The following RASGRF1 variants were observed in gnomAD, a reference collection of about 807,000 sequenced individuals.
RASGRF1 encodes Ras protein specific guanine nucleotide releasing factor 1, also known as ras-specific guanine nucleotide-releasing factor 1.
A neutral mutation model predicts 138.7 loss-of-function variants in RASGRF1; 40 were observed. The ratio of observed to expected loss-of-function variants is 0.29; its 90% confidence interval spans 0.22 to 0.38. The LOEUF is 0.38. Ranked by LOEUF, RASGRF1 falls within the 10% of genes least tolerant of loss-of-function variation. The pLI, the probability that RASGRF1 is intolerant of heterozygous loss-of-function variation, is 1.00. For synonymous variants in RASGRF1, 614 were observed against 663.2 expected, an observed-to-expected ratio of 0.93 and a Z score of 1.14; for missense variants, 1,108 against 1,650.4, an observed-to-expected ratio of 0.67 and a Z score of 5.69.
At chr15:78,985,766 A>AC in intron 22 of RASGRF1, 1 of 152,316 alleles carries the variant, frequency 6.6e-6, no homozygotes, top group Middle Eastern at 3.4e-3. Context: ...AAATACACAC[A>AC]CAAAAAAAAT....
chr15:79,033,417 A>AT (rs2057169918), intron 6 of RASGRF1, among the ~76,000 whole-genome samples: 1 of 151,150 alleles, frequency 6.6e-6, no homozygotes, highest in East Asian at 2.0e-4. Flanking sequence ...TAATTTTTGA[A>AT]TTTTTGTGTT....
In RASGRF1 at chr15:78,961,717, G is replaced by A. The variant is rs935202709; in HGVS notation, c.*427C>T. 3.1e-5 allele frequency: 2 copies of A among 65,282 alleles called. No individual in the cohort carries two copies. The highest frequency in any genetic ancestry group is 5.8e-5 in the African/African-American group (1 of 17,130). The allele number at this position is 65,282 out of a possible 1,614,324, so 4.0% of individuals were successfully genotyped here. On this transcript the variant is annotated 3_prime_UTR_variant, in exon 27 of 27. Coordinates refer to ENST00000558480, the MANE Select transcript of RASGRF1 (RefSeq NM_001145648.3). Reference sequence around the variant, plus strand: ...CTTCAGGGTATGGTTTCCCCCTCCCGCCGCCCCCCACCCCCCACCCAGTTA... The same window carrying A: ...CTTCAGGGTATGGTTTCCCCCTCCCACCGCCCCCCACCCCCCACCCAGTTA...
At chr15:78,970,621 C>CAAA (rs55689628) in intron 26 of RASGRF1, among the ~76,000 whole-genome samples, 37 of 57,858 alleles carry the variant, frequency 6.4e-4, no homozygotes, top group East Asian at 2.1e-3. Context: ...GACTCTGTCT[C>CAAA]AAAAAAAAAA....
At chr15:79,084,643 A>G (rs543573324) in intron 1 of RASGRF1, among the ~76,000 whole-genome samples, 1 of 152,296 alleles carries the variant, frequency 6.6e-6, no homozygotes, top group African/African-American at 2.4e-5. Context: ...GGTTTCTGTA[A>G]TAAGTGTCCT....
At chr15:79,022,119 T>G (rs1440598279) in intron 10 of RASGRF1, among the ~76,000 whole-genome samples, 2 of 152,162 alleles carry the variant, frequency 1.3e-5, no homozygotes, top group East Asian at 3.9e-4. Flanking sequence ...GATTCCATGC[T>G]CTTTGCCAAT....
intron 9 of RASGRF1, among the ~76,000 whole-genome samples, chr15:79,026,680 T>G (rs1055189272): frequency 6.6e-6 from 1 of 151,966 alleles, no homozygotes; most frequent in Non-Finnish European, 1.5e-5. Flanking sequence ...TGACTCAGGG[T>G]GATGGAGCAG....
intron 1 of RASGRF1, among the ~76,000 whole-genome samples, chr15:79,076,900 C>T (rs1189165770): frequency 1.3e-5 from 2 of 152,210 alleles, no homozygotes; most frequent in African/African-American, 4.8e-5. Context: ...GAATGGGTGA[C>T]TGAATGCGTT....
intron 24 of RASGRF1, among the ~76,000 whole-genome samples, chr15:78,976,510 G>T (rs1223542526): frequency 6.6e-6 from 1 of 152,084 alleles, no homozygotes; most frequent in Admixed American, 6.5e-5. Context: ...GGACAAGCTT[G>T]CTCTATAGTG....
chr15:78,970,170 T>C (rs2055722887), intron 26 of RASGRF1, among the ~76,000 whole-genome samples: 1 of 152,136 alleles, frequency 6.6e-6, no homozygotes, highest in Non-Finnish European at 1.5e-5. Flanking sequence ...CTGGATGTTT[T>C]TGTGAACTGC....
intron 26 of RASGRF1, among the ~76,000 whole-genome samples, chr15:78,963,872 T>G (rs1240285011): frequency 6.6e-6 from 1 of 152,162 alleles, no homozygotes; most frequent in Non-Finnish European, 1.5e-5. Context: ...TGTGAAATAG[T>G]CTTTTATACC....
chr15:79,015,046 C>G (rs77665220), intron 13 of RASGRF1, among the ~76,000 whole-genome samples: 4,298 of 151,970 alleles, frequency 0.028, 206 homozygotes, highest in African/African-American at 0.099. Flanking sequence ...CAAACCACCA[C>G]TAAAGAACTT....
chr15:78,978,221 T>C (rs1356082578), intron 24 of RASGRF1, among the ~76,000 whole-genome samples: 1,231 of 15,422 alleles, frequency 0.08, 19 homozygotes, highest in South Asian at 0.23. Context: ...TTTTCTTTTG[T>C]TTTTTTTTTT....
intron 24 of RASGRF1, chr15:78,978,680 C>T: frequency 9.8e-7 from 1 of 1,023,520 alleles, no homozygotes; most frequent in Non-Finnish European, 1.2e-6. Flanking sequence ...GCCCCCGTCC[C>T]CTGCCTAGTG....
At position 79,037,020 on chromosome 15, in the gene RASGRF1, C is replaced by T. The variant is rs115123217; in HGVS notation, c.879-1810G>A. The stretch of plus-strand genomic sequence containing the variant: ...AATTGTCTATCATCTCCCTAAAGTT[C>T]CAAGAGAGACAGTCCCTCCAGGTAT... On this transcript the variant is annotated intron_variant, in intron 5 of 26. Transcript: ENST00000558480. Among the ~76,000 whole-genome samples the T allele has an allele frequency of 8.5e-3, 1,295 of 152,226 alleles. 10 individuals are homozygous for T. The highest frequency in any genetic ancestry group is 0.03 in the African/African-American group (1,259 of 41,524).
Position 78,985,073 on chromosome 15 carries a change from G to T in RASGRF1, c.3348C>A (p.Ile1116=), listed in dbSNP as rs767955928. The change falls in exon 23 of 27, where the codon ATC becomes ATA. Residue 1116 remains isoleucine (I), a synonymous_variant. Coordinates refer to ENST00000558480, the MANE Select transcript of RASGRF1 (RefSeq NM_001145648.3). ...TTGCACTGCGGTTCATGGACGAGGT[G>T]ATCTCCAGTACGGCATTGTAGTTGT... The part of the protein sequence containing the change: ...CLHNYNAVLE[I]TSSMNRSAIF... The T allele has an allele frequency of 1.2e-6, 2 of 1,614,088 alleles. No homozygotes were observed. The highest frequency in any genetic ancestry group is 4.5e-5 in the East Asian group (2 of 44,880).
At chr15:78,972,080 G>T in intron 25 of RASGRF1, 146 bp from the exon 26 acceptor site, 1 of 740,758 alleles carries the variant, frequency 1.3e-6, no homozygotes. Context: ...TCCCACGGAG[G>T]CATCATGTGT....
At chr15:78,965,221 C>G (rs375494471) in intron 26 of RASGRF1, among the ~76,000 whole-genome samples, 2 of 152,138 alleles carry the variant, frequency 1.3e-5, no homozygotes, top group Admixed American at 1.3e-4. Context: ...AAGGTACATA[C>G]AGTACAACTC....
chr15:79,021,691 GC>G (rs2056963415), intron 10 of RASGRF1, among the ~76,000 whole-genome samples: 1 of 152,210 alleles, frequency 6.6e-6, no homozygotes, highest in African/African-American at 2.4e-5. Context: ...AGACTCTGGA[GC>G]CAGACTGGCT....
At chr15:79,044,387 C>T (rs2057332608) in intron 5 of RASGRF1, among the ~76,000 whole-genome samples, 1 of 152,216 alleles carries the variant, frequency 6.6e-6, no homozygotes, top group Non-Finnish European at 1.5e-5. Flanking sequence ...TGGTGGTTCT[C>T]ACCACATTTC....
Sources: gnomAD v4.1 joint callset for allele counts (sites outside exome capture counted in the v4.1 genomes callset) on GRCh38, gnomAD v4.1.1 for gene constraint, MANE v1.5 for transcripts, NCBI Gene and HGNC (gene_info 2026-07-23, HGNC 2026-07-21) for gene names.